GREB1: variants seen among roughly 807,000 people sequenced by gnomAD.
GREB1 encodes growth regulating estrogen receptor binding 1.
GREB1 carries 106 observed loss-of-function variants against 200.7 expected under a neutral mutation model. The observed-to-expected ratio is 0.53, with a 90% CI of 0.45 to 0.62. The LOEUF is 0.62. Ranked by LOEUF, GREB1 falls within the 20% of genes least tolerant of loss-of-function variation. GREB1 has a pLI of 0.00. For missense variants in GREB1, 2,243 were observed against 2,556.8 expected, an observed-to-expected ratio of 0.88 and a Z score of 2.65; for synonymous variants, 1,132 against 1,092.4, an observed-to-expected ratio of 1.04 and a Z score of -0.72.
chr2:11,529,638 C>A (rs770939896), upstream of GREB1, among the ~76,000 whole-genome samples: 21 of 152,178 alleles, frequency 1.4e-4, no homozygotes, highest in Admixed American at 9.8e-4. Flanking sequence ...TTGATTGATA[C>A]AAGTTATGTG....
At chr2:11,483,935 CTTT>C (rs1048693976) in intron 1 of GREB1, among the ~76,000 whole-genome samples, 16 of 152,146 alleles carry the variant, frequency 1.1e-4, no homozygotes, top group Non-Finnish European at 1.8e-4. Flanking sequence ...GCTTGAAAGA[CTTT>C]TTATTATCCC....
intron 1 of GREB1, chr2:11,540,053 T>G (rs1032719917): frequency 2.6e-5 from 4 of 152,454 alleles, no homozygotes; most frequent in African/African-American, 9.6e-5. Context: ...TCTGCTGGGC[T>G]TAGCCTCTTG....
chr2:11,507,253 A>T (rs1403665004), intron 1 of GREB1, among the ~76,000 whole-genome samples: 1 of 152,154 alleles, frequency 6.6e-6, no homozygotes, highest in Non-Finnish European at 1.5e-5. Context: ...TACTAAAAAT[A>T]CAAAACTGAG....
intron 1 of GREB1, among the ~76,000 whole-genome samples, chr2:11,549,019 T>C (rs971997622): frequency 6.6e-6 from 1 of 152,184 alleles, no homozygotes; most frequent in Non-Finnish European, 1.5e-5. Flanking sequence ...TGACCTGTTG[T>C]TTCTTTACCT....
chr2:11,508,176 C>T (rs1328779646), intron 1 of GREB1, among the ~76,000 whole-genome samples: 1 of 152,206 alleles, frequency 6.6e-6, no homozygotes, highest in Non-Finnish European at 1.5e-5. Flanking sequence ...AGCCTCTCCC[C>T]ACTGTGGCCC....
chr2:11,489,501 G>GC (rs1368859262), intron 1 of GREB1, among the ~76,000 whole-genome samples: 3 of 152,096 alleles, frequency 2.0e-5, no homozygotes, highest in African/African-American at 7.2e-5. Flanking sequence ...TTGAAGTCTT[G>GC]CCCCCAAATG....
chr2:11,611,164 T>C, intron 18 of GREB1, 137 bp downstream of exon 18: 1 of 694,222 alleles, frequency 1.4e-6, no homozygotes, highest in Non-Finnish European at 2.4e-6. Flanking sequence ...CCCCTCAGCC[T>C]CCTCTCTGTG....
At position 11,624,995 on chromosome 2, in the gene GREB1, G is replaced by A. The variant is rs140949257; in HGVS notation, c.4148-159G>A. On this transcript the variant is annotated intron_variant, in intron 23 of 32. Transcript: ENST00000381486. Reference sequence around the variant, plus strand: ...ATCCTAGTGTGTAGCAGGCTGTGCCGTGTAGGTGTGTGTAAGTGCACTCTA... The same window carrying A: ...ATCCTAGTGTGTAGCAGGCTGTGCCATGTAGGTGTGTGTAAGTGCACTCTA... Among the ~76,000 whole-genome samples, 336 of 152,328 alleles carry A rather than the reference G, an allele frequency of 2.2e-3. 1 individual carries two copies. The highest frequency in any genetic ancestry group is 0.012 in the South Asian group (60 of 4,824).
At chr2:11,545,592 A>G (rs1483894614) in intron 1 of GREB1, among the ~76,000 whole-genome samples, 1 of 152,232 alleles carries the variant, frequency 6.6e-6, no homozygotes, top group African/African-American at 2.4e-5. Flanking sequence ...CTGAAGGAAA[A>G]GGGATTAATC....
In GREB1 at chr2:11,507,970, T is replaced by C. The variant is rs114027935; in HGVS notation, c.-159+25589T>C. On this transcript the variant is annotated intron_variant, in intron 1 of 2. Transcript: ENST00000628795. ...ACAGAGGCTGCATTGTTTACAGTAA[T>C]ATATTGAGGAAATTATCCCAGGAGG... 7.0e-3 allele frequency among the ~76,000 whole-genome samples: 1,070 copies of C among 152,314 alleles called. 12 individuals carry two copies. Among genetic ancestry groups the C allele is most frequent in the African/African-American group, 0.025 (1,021 of 41,556 alleles).
intron 1 of GREB1, among the ~76,000 whole-genome samples, chr2:11,525,497 A>G (rs906843475): frequency 2.5e-5 from 3 of 119,754 alleles, no homozygotes; most frequent in Admixed American, 1.6e-4. Context: ...ACTCCATCTC[A>G]AAAAAAAAAA....
Position 11,640,270 on chromosome 2 carries a change from C to T in GREB1, c.5687-21C>T. Reference sequence around the variant, plus strand: ...TAAACTCACCTTTTCCCTTCCCACACCTCTGCCGTTGTCCACGCAGGTGCG... The same window carrying T: ...TAAACTCACCTTTTCCCTTCCCACATCTCTGCCGTTGTCCACGCAGGTGCG... On this transcript the variant is annotated intron_variant, in intron 32 of 32. Coordinates refer to ENST00000381486, the MANE Select transcript of GREB1 (RefSeq NM_014668.4). The surrounding 1 kb of genome is among the most constrained non-coding windows in gnomAD (Gnocchi z 4.6). The T allele has an allele frequency of 1.2e-6, 2 of 1,601,620 alleles. No homozygotes were observed. Among genetic ancestry groups the T allele is most frequent in the African/African-American group, 1.3e-5 (1 of 74,474 alleles).
At chr2:11,549,356 C>T (rs76164099) in intron 1 of GREB1, among the ~76,000 whole-genome samples, 4,152 of 152,016 alleles carry the variant, frequency 0.027, 201 homozygotes, top group African/African-American at 0.095. Flanking sequence ...GTCCTTTCCT[C>T]GGTAACGTCT....
At chr2:11,578,973 G>A (rs753657443) in intron 6 of GREB1, among the ~76,000 whole-genome samples, 5 of 152,210 alleles carry the variant, frequency 3.3e-5, no homozygotes, top group Non-Finnish European at 7.3e-5. Flanking sequence ...GGTGACATTA[G>A]ATGTGAACCC....
intron 30 of GREB1, among the ~76,000 whole-genome samples, chr2:11,636,097 T>C (rs1349782933): frequency 6.6e-6 from 1 of 152,218 alleles, no homozygotes; most frequent in Non-Finnish European, 1.5e-5. Flanking sequence ...TGGGTCTGAA[T>C]TGGGACACCA....
intron 9 of GREB1, among the ~76,000 whole-genome samples, chr2:11,587,122 C>T (rs1234685843): frequency 4.6e-5 from 7 of 152,264 alleles, no homozygotes; most frequent in East Asian, 3.9e-4. Context: ...GGTTCTCAGG[C>T]GTGCTCTGCT....
At chr2:11,535,758 A>G (rs144464298) in intron 1 of GREB1, among the ~76,000 whole-genome samples, 6 of 152,290 alleles carry the variant, frequency 3.9e-5, no homozygotes, top group Admixed American at 6.5e-5. Context: ...TCACGAGTAT[A>G]GAAAAAGGTT....
chr2:11,488,649 A>G (rs1421936840), intron 1 of GREB1, among the ~76,000 whole-genome samples: 1 of 151,334 alleles, frequency 6.6e-6, no homozygotes, highest in African/African-American at 2.4e-5. Context: ...AAATTAGCTG[A>G]GTGTAGTGGT....
chr2:11,503,646 T>C (rs1673105566), intron 1 of GREB1, among the ~76,000 whole-genome samples: 1 of 152,206 alleles, frequency 6.6e-6, no homozygotes, highest in Non-Finnish European at 1.5e-5. Context: ...AGTGCTTCTT[T>C]CCTCACATTT....
Sources: gnomAD v4.1 joint callset for allele counts (sites outside exome capture counted in the v4.1 genomes callset) on GRCh38, gnomAD v4.1.1 for gene constraint, Gnocchi (gnomAD v3.1) non-coding constraint, MANE v1.5 for transcripts, NCBI Gene and HGNC (gene_info 2026-07-23, HGNC 2026-07-21) for gene names.